ADAM28: variants seen among roughly 807,000 people sequenced by gnomAD.
ADAM28 encodes ADAM metallopeptidase domain 28.
A neutral mutation model predicts 101.2 loss-of-function variants in ADAM28; 105 were observed. That is an observed-to-expected ratio of 1.04 (90% CI 0.89 to 1.22). ADAM28 has a LOEUF of 1.22. Ranked by LOEUF, ADAM28 falls within the 50% of genes most tolerant of loss-of-function variation. ADAM28 has a pLI of 0.00. For missense variants in ADAM28, 1,028 were observed against 945.4 expected (o/e 1.09, Z -1.15); for synonymous variants, 322 against 310.6 (o/e 1.04, Z -0.39).
intron 5 of ADAM28, among the ~76,000 whole-genome samples, chr8:24,312,821 G>A (rs988278008): frequency 6.6e-6 from 1 of 152,036 alleles, no homozygotes; most frequent in African/African-American, 2.4e-5. Context: ...CTGGTTCAAG[G>A]CTTTAGCAGA....
intron 14 of ADAM28, among the ~76,000 whole-genome samples, chr8:24,337,131 G>A (rs902917312): frequency 1.3e-5 from 2 of 152,210 alleles, no homozygotes; most frequent in Non-Finnish European, 2.9e-5. Flanking sequence ...TGGCTACAGC[G>A]GGTTGAGACA....
chr8:24,327,781 T>C (rs1812816323), intron 10 of ADAM28, among the ~76,000 whole-genome samples: 1 of 152,066 alleles, frequency 6.6e-6, no homozygotes, highest in African/African-American at 2.4e-5. Flanking sequence ...AAACAAGCAA[T>C]GGGGAAAGGA....
Position 24,335,643 on chromosome 8 carries a change from T to C in ADAM28, c.1567+2T>C. The C allele has an allele frequency of 9.4e-6, 15 of 1,595,576 alleles. No individual in the cohort carries two copies. Among genetic ancestry groups the C allele is most frequent in the Non-Finnish European group, 1.2e-5 (14 of 1,171,602 alleles). The stretch of plus-strand genomic sequence containing the variant: ...AGTGCACAGAGCTGTGGGGACCAGG[T>C]AGGAGGACAAATCCTTTCCCCTGTG... On this transcript the variant is annotated splice_donor_variant, in intron 14 of 22. Transcript: ENST00000265769. LOFTEE classifies it high-confidence loss of function.
intron 18 of ADAM28, among the ~76,000 whole-genome samples, chr8:24,345,803 G>A (rs982169892): frequency 4.6e-5 from 7 of 152,050 alleles, no homozygotes; most frequent in Admixed American, 1.3e-4. Context: ...GAGGACTAGC[G>A]ATACAACTTT....
intron 14 of ADAM28, among the ~76,000 whole-genome samples, chr8:24,336,298 C>T (rs1279813555): frequency 1.3e-5 from 2 of 151,758 alleles, no homozygotes; most frequent in Non-Finnish European, 2.9e-5. Context: ...TATTAAATAA[C>T]TTTGGCCAGG....
At chr8:24,328,800 G>A (rs550380685) in intron 10 of ADAM28, among the ~76,000 whole-genome samples, 1 of 151,956 alleles carries the variant, frequency 6.6e-6, no homozygotes, top group South Asian at 2.1e-4. Flanking sequence ...CGTAGTGGCT[G>A]GTGCCTGTAA....
chr8:24,321,781 T>G (rs1031647139), intron 8 of ADAM28, among the ~76,000 whole-genome samples: 1 of 151,962 alleles, frequency 6.6e-6, no homozygotes, highest in African/African-American at 2.4e-5. Flanking sequence ...GAGAAAAGAA[T>G]AGCCATGGGG....
intron 5 of ADAM28, among the ~76,000 whole-genome samples, chr8:24,312,292 G>T (rs539477494): frequency 2.0e-5 from 3 of 152,040 alleles, no homozygotes; most frequent in Admixed American, 2.0e-4. Flanking sequence ...ATCTGGTATG[G>T]TTTCCATGTT....
intron 2 of ADAM28, among the ~76,000 whole-genome samples, chr8:24,305,481 A>G (rs1440392500): frequency 9.8e-6 from 1 of 101,920 alleles, no homozygotes; most frequent in East Asian, 4.3e-4. Context: ...TTTTTTTAAA[A>G]TATGTCTTTG....
intron 2 of ADAM28, 113 bp downstream of exon 2, chr8:24,300,190 ATG>A (rs1165402710): frequency 6.6e-4 from 566 of 858,194 alleles, no homozygotes; most frequent in Non-Finnish European, 7.3e-4. Flanking sequence ...ATGTTTATAT[ATG>A]TGTGTGTGTG....
At position 24,310,244 on chromosome 8, in the gene ADAM28, A is replaced by G; in HGVS notation, c.306+3A>G. 6.2e-7 allele frequency: 1 copy of G among 1,611,404 alleles called. No homozygotes were observed. The highest frequency in any genetic ancestry group is 8.5e-7 in the Non-Finnish European group (1 of 1,177,808). Reference sequence around the variant, plus strand: ...TCACCACAAGCCCACAAATTATGGTATAACGGAGTCTCTTCAATTCTTTAA... The same window carrying G: ...TCACCACAAGCCCACAAATTATGGTGTAACGGAGTCTCTTCAATTCTTTAA... On this transcript the variant is annotated splice_donor_region_variant and intron_variant, in intron 4 of 22. Coordinates refer to ENST00000265769, the MANE Select transcript of ADAM28 (RefSeq NM_014265.6).
At chr8:24,325,882 A>AAAAAAAAAAAAAAAAAAAC (rs1812504716) in intron 9 of ADAM28, among the ~76,000 whole-genome samples, 3 of 144,762 alleles carry the variant, frequency 2.1e-5, no homozygotes, top group Non-Finnish European at 3.0e-5. Flanking sequence ...AAAAAAAAAA[A>AAAAAAAAAAAAAAAAAAAC]AAAAAAAAAA....
At chr8:24,343,455 G>A in intron 17 of ADAM28, 51 bp from the exon 18 acceptor site, 1 of 1,566,570 alleles carries the variant, frequency 6.4e-7, no homozygotes, top group Non-Finnish European at 8.8e-7. Context: ...GTAGGGCCTT[G>A]AGTTTCTGGT....
intron 9 of ADAM28, among the ~76,000 whole-genome samples, chr8:24,324,454 C>T (rs541974187): frequency 7.9e-5 from 12 of 152,032 alleles, no homozygotes; most frequent in African/African-American, 2.9e-4. Flanking sequence ...TTATATGAGA[C>T]TGGAGCATGT....
chr8:24,326,583 G>T lies in ADAM28; in HGVS notation c.920G>T (p.Gly307Val). 2 of 1,612,022 alleles carry T rather than the reference G, an allele frequency of 1.2e-6. No individual in the cohort carries two copies. The highest frequency in any genetic ancestry group is 1.3e-5 in the African/African-American group (1 of 74,870). ...ACAGAACTTGCTGGAACGACTGTGGGTCTTGCATTTATGTCTACAATGTGT... is the reference window on the plus strand; with the variant it reads ...ACAGAACTTGCTGGAACGACTGTGGTTCTTGCATTTATGTCTACAATGTGT... ...TATELAGTTV[G>V]LAFMSTMCSP... The change falls in exon 10 of 23, where the codon GGT (glycine) becomes GTT (valine). Residue 307 changes from glycine (G) to valine (V), a missense_variant. Transcript: ENST00000265769.
At chr8:24,345,895 T>C (rs1815345941) in intron 18 of ADAM28, among the ~76,000 whole-genome samples, 1 of 152,122 alleles carries the variant, frequency 6.6e-6, no homozygotes, top group Non-Finnish European at 1.5e-5. Context: ...TGGAAGCTTT[T>C]CTCAACTTAT....
At chr8:24,348,498 T>C (rs1815686421) in intron 18 of ADAM28, among the ~76,000 whole-genome samples, 1 of 152,212 alleles carries the variant, frequency 6.6e-6, no homozygotes, top group Non-Finnish European at 1.5e-5. Context: ...TCTGAACTTT[T>C]ATCTAGGATT....
At chr8:24,338,916 G>A (rs1443809423) in intron 14 of ADAM28, among the ~76,000 whole-genome samples, 1 of 152,040 alleles carries the variant, frequency 6.6e-6, no homozygotes, top group African/African-American at 2.4e-5. Context: ...CCTATATTAA[G>A]TAATTTAATC....
chr8:24,330,431 C>A (rs574791936), intron 11 of ADAM28, among the ~76,000 whole-genome samples: 1 of 152,146 alleles, frequency 6.6e-6, no homozygotes, highest in African/African-American at 2.4e-5. Context: ...GAAAAGAGTT[C>A]TAGAATAAAA....
Sources: gnomAD v4.1 joint callset for allele counts (sites outside exome capture counted in the v4.1 genomes callset) on GRCh38, gnomAD v4.1.1 for gene constraint, MANE v1.5 for transcripts, NCBI Gene and HGNC (gene_info 2026-07-23, HGNC 2026-07-21) for gene names.